LAMB1: variants seen among roughly 807,000 people sequenced by gnomAD.
LAMB1 encodes the protein laminin subunit beta-1.
LAMB1 carries 121 observed loss-of-function variants against 222.3 expected under a neutral mutation model. The ratio of observed to expected loss-of-function variants is 0.54; its 90% confidence interval spans 0.47 to 0.63. LAMB1 has a LOEUF of 0.63. LAMB1 is among the 30% of genes least tolerant of loss of function. The probability of loss-of-function intolerance (pLI) is 0.00; values close to 1 mark genes in which losing one functional copy is unlikely to be tolerated. For missense variants in LAMB1, 2,172 were observed against 2,240.8 expected (o/e 0.97, Z 0.62); for synonymous variants, 794 against 807.2 (o/e 0.98, Z 0.28).
rs201344698 is a variant in LAMB1, at chr7:107,951,314, C to T, written c.3303G>A (p.Gly1101=). Residue 1101 remains glycine, a synonymous_variant, in exon 24 of 34, where the codon GGG becomes GGA. Coordinates refer to ENST00000222399, the MANE Select transcript of LAMB1 (RefSeq NM_002291.3). The stretch of plus-strand genomic sequence containing the variant: ...CAAACCCAGGCATGCACTGGCACTG[C>T]CCCGTGAACTGCGGCCAGAACACAG... ...SFGPSCNEFT[G]QCQCMPGFGG... 2 of 1,614,086 alleles carry T rather than the reference C, an allele frequency of 1.2e-6. No homozygotes were observed. Among genetic ancestry groups the T allele is most frequent in the African/African-American group, 2.7e-5 (2 of 75,064 alleles).
At chr7:107,944,845 C>T (rs2033081782) in intron 24 of LAMB1, among the ~76,000 whole-genome samples, 1 of 152,204 alleles carries the variant, frequency 6.6e-6, no homozygotes, top group Admixed American at 6.5e-5. Context: ...ATCTCACACA[C>T]CCACCAGGAT....
intron 5 of LAMB1, among the ~76,000 whole-genome samples, chr7:107,992,082 C>A (rs1270214339): frequency 1.3e-5 from 2 of 152,112 alleles, no homozygotes; most frequent in African/African-American, 4.8e-5. Context: ...ATCTACATAG[C>A]ACTTGCTGAG....
chr7:107,967,073 G>C (rs955615403), intron 13 of LAMB1, among the ~76,000 whole-genome samples: 21 of 152,136 alleles, frequency 1.4e-4, no homozygotes, highest in African/African-American at 4.8e-4. Flanking sequence ...GCCATCAATG[G>C]GACATTTCCA....
At chr7:107,999,178 G>C (rs1376275397) in intron 3 of LAMB1, among the ~76,000 whole-genome samples, 2 of 152,244 alleles carry the variant, frequency 1.3e-5, no homozygotes, top group Non-Finnish European at 2.9e-5. Context: ...GATGAAGATA[G>C]ACTGTAAGTT....
At position 107,964,683 on chromosome 7, in the gene LAMB1, A is replaced by G. The variant is rs770103941; in HGVS notation, c.1567T>C (p.Phe523Leu). ...DLGGALNNSCFAESGQCSCRP... is the reference protein window; with the variant it reads ...DLGGALNNSCLAESGQCSCRP... ...CATGAGCACTGGCCTGACTCCGCAA[A>G]GCAACTGGAAGGGAGGAGGAGCCAC... Residue 523 changes from phenylalanine to leucine, a missense_variant, in exon 14 of 34, where the codon TTT becomes CTT. Physicochemically the swap from Phe to Leu is conservative, Grantham distance 22. Transcript: ENST00000222399. 41 of 1,614,114 alleles carry G rather than the reference A, an allele frequency of 2.5e-5. No individual in the cohort carries two copies. The highest frequency in any genetic ancestry group is 3.5e-5 in the Non-Finnish European group (41 of 1,180,000).
At chr7:107,961,796 T>C in intron 15 of LAMB1, 120 bp from the exon 16 acceptor site, 1 of 1,199,178 alleles carries the variant, frequency 8.3e-7, no homozygotes, top group Non-Finnish European at 1.2e-6. Context: ...GCTCTTCACT[T>C]TTCTCTTTAC....
intron 2 of LAMB1, 42 bp from the exon 3 acceptor site, chr7:108,001,775 G>C (rs1272578766): frequency 6.2e-7 from 1 of 1,605,632 alleles, no homozygotes; most frequent in Non-Finnish European, 8.5e-7. Flanking sequence ...GACACAAGCA[G>C]GGAGTGGAGC....
chr7:107,972,979 G>C lies in LAMB1; in HGVS notation c.1562+13C>G, dbSNP rs1399117747. On this transcript the variant is annotated intron_variant, in intron 13 of 33. Coordinates refer to ENST00000222399, the MANE Select transcript of LAMB1 (RefSeq NM_002291.3). ...AAGACTGAGGACAAGAGCATACGTA[G>C]AGCTCCATTTACCTGTTGTTTAAGG... 1.2e-5 allele frequency: 19 copies of C among 1,599,760 alleles called. No homozygotes were observed. Among genetic ancestry groups the C allele is most frequent in the Non-Finnish European group, 1.5e-5 (18 of 1,167,104 alleles).
intron 9 of LAMB1, among the ~76,000 whole-genome samples, chr7:107,976,630 AGG>A (rs1312419698): frequency 6.6e-6 from 1 of 152,158 alleles, no homozygotes; most frequent in African/African-American, 2.4e-5. Flanking sequence ...CCTGCAGAAG[AGG>A]GACTGTGTCT....
intron 7 of LAMB1, among the ~76,000 whole-genome samples, chr7:107,984,920 A>C (rs2034044321): frequency 6.6e-6 from 1 of 152,168 alleles, no homozygotes. Flanking sequence ...ATCATCCTGT[A>C]TTTTATCTGG....
chr7:107,948,103 C>T (rs1477989896), intron 24 of LAMB1, among the ~76,000 whole-genome samples: 3 of 151,440 alleles, frequency 2.0e-5, no homozygotes, highest in African/African-American at 7.3e-5. Context: ...TCTCATGCCT[C>T]AGCCTCCCAA....
chr7:107,951,933 G>C, intron 23 of LAMB1, 76 bp downstream of exon 23: 2 of 1,266,834 alleles, frequency 1.6e-6, no homozygotes, highest in Non-Finnish European at 2.2e-6. Context: ...CTGGTGCCTT[G>C]CTCTAACTGG....
At chr7:107,931,269 C>T in intron 29 of LAMB1, 87 bp downstream of exon 29, 1 of 1,060,902 alleles carries the variant, frequency 9.4e-7, no homozygotes, top group Non-Finnish European at 1.4e-6. Flanking sequence ...TCACTTAGTA[C>T]CCTGACAGAA....
intron 20 of LAMB1, among the ~76,000 whole-genome samples, chr7:107,958,562 G>A (rs1222435210): frequency 6.6e-6 from 1 of 152,352 alleles, no homozygotes; most frequent in South Asian, 2.1e-4. Flanking sequence ...CAGTGAAAAG[G>A]TGGAGACTAT....
rs761241913 is a variant in LAMB1, at chr7:107,955,509, C to G, written c.2812G>C (p.Val938Leu). Residue 938 changes from valine to leucine, a missense_variant, in exon 21 of 34, where the codon GTT becomes CTT. By Grantham distance (32) the Val-to-Leu change is conservative. Transcript: ENST00000222399. ...QFARSCYQDP[V>L]TLQLACVCDP... The stretch of plus-strand genomic sequence containing the variant: ...CAAACACAGGCAAGCTGTAAAGTAA[C>G]AGGATCTTGGTAGCAGCTCCTGGCA... The G allele has an allele frequency of 6.2e-6, 10 of 1,613,966 alleles. No individual in the cohort carries two copies. Among genetic ancestry groups the G allele is most frequent in the Non-Finnish European group, 7.6e-6 (9 of 1,180,022 alleles).
chr7:108,002,277 G>A (rs1393083972), intron 2 of LAMB1: 2 of 1,309,860 alleles, frequency 1.5e-6, no homozygotes, highest in Non-Finnish European at 1.0e-6. Context: ...GCCGGGGCTC[G>A]CGGTGGACGC....
chr7:107,972,368 C>T (rs2033766513), intron 13 of LAMB1, among the ~76,000 whole-genome samples: 1 of 152,204 alleles, frequency 6.6e-6, no homozygotes, highest in Non-Finnish European at 1.5e-5. Flanking sequence ...CAGTCACTTA[C>T]ACTATCTGTT....
intron 2 of LAMB1, chr7:108,002,177 AGT>A (rs1421638883): frequency 1.4e-6 from 2 of 1,408,774 alleles, no homozygotes; most frequent in East Asian, 7.1e-5. Flanking sequence ...CCTCGGTGTG[AGT>A]GTGCGCGTGG....
In LAMB1 at chr7:107,940,246, C is replaced by T; in HGVS notation, c.3504G>A (p.Gly1168=). ...TGCAGTCAGGGAAGACCCCCGAGTA[C>T]CCTCGCGTGCACTTGTCACAGCGTG... ...EGPRCDKCTR[G]YSGVFPDCTP... is the part of the protein sequence containing the mutation. Residue 1168 remains glycine (G), a synonymous_variant, in exon 25 of 34, where the codon GGG becomes GGA. Coordinates refer to ENST00000222399, the MANE Select transcript of LAMB1 (RefSeq NM_002291.3). The T allele has an allele frequency of 6.2e-7, 1 of 1,614,208 alleles. No individual in the cohort carries two copies. The highest frequency in any genetic ancestry group is 8.5e-7 in the Non-Finnish European group (1 of 1,180,038).
Sources: allele counts gnomAD v4.1 joint callset (sites outside exome capture counted in the v4.1 genomes callset), GRCh38; gene constraint gnomAD v4.1.1; transcripts MANE v1.5; gene names NCBI Gene and HGNC (gene_info 2026-07-23, HGNC 2026-07-21).